The following TLK1 variants were observed in gnomAD, a reference collection of about 807,000 sequenced individuals.
TLK1 encodes the protein tousled like kinase 1.
TLK1 carries 24 observed loss-of-function variants against 105.3 expected under a neutral mutation model. That is an observed-to-expected ratio of 0.23 (90% CI 0.17 to 0.32). The LOEUF (loss-of-function observed/expected upper bound fraction) is 0.32, where lower values mean the gene tolerates loss of function less well. Among genes scored for constraint, TLK1 ranks in the 10% least tolerant of loss-of-function variants. TLK1 has a pLI of 1.00. For missense variants in TLK1, 558 were observed against 910.5 expected, an observed-to-expected ratio of 0.61 and a Z score of 4.98; for synonymous variants, 321 against 310.4, an observed-to-expected ratio of 1.03 and a Z score of -0.36.
chr2:171,148,542 T>C (rs1326517970), intron 1 of TLK1, among the ~76,000 whole-genome samples: 1 of 152,056 alleles, frequency 6.6e-6, no homozygotes, highest in African/African-American at 2.4e-5. Context: ...GTTCCGTCAT[T>C]TGTACATGTT....
intron 11 of TLK1, among the ~76,000 whole-genome samples, chr2:171,035,298 T>C (rs561208137): frequency 3.3e-5 from 5 of 151,144 alleles, no homozygotes; most frequent in Non-Finnish European, 7.4e-5. Context: ...GCCGAGATCT[T>C]GACACTGTAC....
chr2:171,102,466 A>G (rs1217781945), intron 2 of TLK1, among the ~76,000 whole-genome samples: 1 of 152,234 alleles, frequency 6.6e-6, no homozygotes, highest in African/African-American at 2.4e-5. Flanking sequence ...ATTACAGTTT[A>G]TAACATTTAC....
intron 1 of TLK1, among the ~76,000 whole-genome samples, chr2:171,137,605 T>C (rs1691379176): frequency 6.6e-6 from 1 of 152,076 alleles, no homozygotes; most frequent in South Asian, 2.1e-4. Context: ...TCCTAACACT[T>C]TGGGAGGCTA....
At chr2:171,099,059 G>C (rs1299010934) in intron 2 of TLK1, among the ~76,000 whole-genome samples, 1 of 152,066 alleles carries the variant, frequency 6.6e-6, no homozygotes, top group Non-Finnish European at 1.5e-5. Context: ...CATTGTATTG[G>C]ATGTTCTAGT....
At chr2:171,216,423 C>A (rs898247652) in intron 1 of TLK1, among the ~76,000 whole-genome samples, 1 of 152,086 alleles carries the variant, frequency 6.6e-6, no homozygotes, top group African/African-American at 2.4e-5. Context: ...TTGCAGTGAG[C>A]CGAGATCATG....
chr2:171,125,943 T>C (rs1430927387), intron 1 of TLK1, among the ~76,000 whole-genome samples: 1 of 152,204 alleles, frequency 6.6e-6, no homozygotes, highest in African/African-American at 2.4e-5. Context: ...CTGTCATTTT[T>C]GACCCTTAAC....
intron 8 of TLK1, among the ~76,000 whole-genome samples, chr2:171,051,016 G>A (rs893701053): frequency 6.6e-6 from 1 of 152,198 alleles, no homozygotes; most frequent in Non-Finnish European, 1.5e-5. Flanking sequence ...TCTTAAAAGT[G>A]CTGAGAGAAA....
At chr2:171,219,238 G>A (rs1693765822) in intron 1 of TLK1, among the ~76,000 whole-genome samples, 2 of 152,162 alleles carry the variant, frequency 1.3e-5, no homozygotes, top group African/African-American at 2.4e-5. Flanking sequence ...ACCCTCTGTA[G>A]TCTCCAGGAG....
intron 12 of TLK1, among the ~76,000 whole-genome samples, chr2:171,024,265 A>G (rs908591757): frequency 3.3e-5 from 5 of 152,142 alleles, no homozygotes; most frequent in African/African-American, 9.6e-5. Flanking sequence ...GTTTTTATTT[A>G]AAAATGTGCT....
intron 14 of TLK1, among the ~76,000 whole-genome samples, chr2:171,010,654 T>C (rs891526447): frequency 7.2e-6 from 1 of 139,144 alleles, no homozygotes; most frequent in Non-Finnish European, 1.6e-5. Flanking sequence ...AGGCATAAAA[T>C]AGTGAACATG....
chr2:171,216,463 A>G lies in TLK1; in HGVS notation c.-6+14682T>C, dbSNP rs186645862. Among the ~76,000 whole-genome samples, 983 of 152,236 alleles carry G rather than the reference A, an allele frequency of 6.5e-3. 8 individuals carry two copies. Among genetic ancestry groups the G allele is most frequent in the Non-Finnish European group, 0.01 (695 of 68,008 alleles). On this transcript the variant is annotated intron_variant, in intron 1 of 20. Coordinates refer to the TLK1 transcript ENST00000521943. ...TGCACTCCAGCCTGGGCGACAGAGC[A>G]AGACTCCGTCTCAAAAACAAAACAA...
At chr2:171,042,537 C>T (rs1298506085) in intron 11 of TLK1, among the ~76,000 whole-genome samples, 8 of 152,216 alleles carry the variant, frequency 5.3e-5, no homozygotes, top group Non-Finnish European at 1.2e-4. Flanking sequence ...TGAGTCACTG[C>T]ACCCAGCCTA....
At chr2:171,053,320 C>T (rs1250757814) in intron 8 of TLK1, among the ~76,000 whole-genome samples, 1 of 151,992 alleles carries the variant, frequency 6.6e-6, no homozygotes, top group Admixed American at 6.6e-5. Flanking sequence ...ATTTTTCAAT[C>T]ATGTACTTAA....
intron 8 of TLK1, among the ~76,000 whole-genome samples, chr2:171,052,660 T>C (rs1469846096): frequency 1.3e-5 from 2 of 152,210 alleles, no homozygotes; most frequent in East Asian, 1.9e-4. Context: ...AAATAATATG[T>C]TGTGAAGAAT....
At chr2:171,130,897 T>A (rs1166503406) in intron 1 of TLK1, among the ~76,000 whole-genome samples, 3 of 152,086 alleles carry the variant, frequency 2.0e-5, no homozygotes, top group Admixed American at 6.6e-5. Context: ...TCCAGATATA[T>A]AAATTAGCAC....
chr2:171,020,998 T>C (rs563774840), intron 12 of TLK1, among the ~76,000 whole-genome samples: 2 of 152,298 alleles, frequency 1.3e-5, no homozygotes, highest in African/African-American at 4.8e-5. Flanking sequence ...GCTTAGATAA[T>C]TAACTTAGTA....
intron 18 of TLK1, among the ~76,000 whole-genome samples, chr2:171,000,088 A>G (rs952931821): frequency 5.3e-5 from 8 of 152,132 alleles, no homozygotes; most frequent in Non-Finnish European, 1.2e-4. Flanking sequence ...TTAAAAAGTT[A>G]ATTACTAGGC....
chr2:171,057,888 G>A (rs1350525976), intron 5 of TLK1, among the ~76,000 whole-genome samples: 1 of 151,950 alleles, frequency 6.6e-6, no homozygotes, highest in African/African-American at 2.4e-5. Context: ...TTCATCATCT[G>A]TAAACTGAAA....
rs144224246 is a variant in TLK1 at position 171,110,185 on chromosome 2, A to G, written c.258+7554T>C. Among the ~76,000 whole-genome samples, 60 of 152,242 alleles carry G rather than the reference A, an allele frequency of 3.9e-4. 2 individuals carry two copies. The East Asian group carries it at 0.011, about 29-fold the overall frequency. On this transcript the variant is annotated intron_variant, in intron 2 of 20. Coordinates refer to ENST00000431350, the MANE Select transcript of TLK1 (RefSeq NM_012290.5). ...GTTCCTCATCTAGAAAATGGACTAA[A>G]AAGGCCAGGTGTGGTGGCTCATGCC...
Sources: allele counts gnomAD v4.1 joint callset (sites outside exome capture counted in the v4.1 genomes callset), GRCh38; gene constraint gnomAD v4.1.1; transcripts MANE v1.5; gene names NCBI Gene and HGNC (gene_info 2026-07-23, HGNC 2026-07-21).